Variants in DISC1 observed in about 807,000 individuals in gnomAD.
DISC1 encodes DISC1 scaffold protein, also known as disrupted in schizophrenia 1 protein.
A neutral mutation model predicts 84.5 loss-of-function variants in DISC1; 57 were observed. The ratio of observed to expected loss-of-function variants is 0.67; its 90% CI spans 0.55 to 0.84. The LOEUF is 0.84. DISC1 is among the 40% of genes least tolerant of loss of function. The pLI is 0.00. For missense variants in DISC1, 1,000 were observed against 1,057.8 expected (o/e 0.95, Z 0.76); for synonymous variants, 411 against 415.2 (o/e 0.99, Z 0.12).
intron 6 of DISC1, among the ~76,000 whole-genome samples, chr1:231,793,213 G>A (rs545583966): frequency 6.6e-6 from 1 of 152,270 alleles, no homozygotes; most frequent in African/African-American, 2.4e-5. Context: ...TCTGGTATGA[G>A]ATTTCCTGAC....
In DISC1 at chr1:231,749,605, A is replaced by G. The variant is rs201514065; in HGVS notation, c.1118-321A>G. 1.1e-3 allele frequency among the ~76,000 whole-genome samples: 169 copies of G among 152,310 alleles called. 2 individuals are homozygous for G. The South Asian group carries it at 0.034, about 31-fold the overall frequency. ...CACCAAAATTATAGTTTTTTTCCCC[A>G]AAATGCTCATTGTGCTTTTAAAATA... On this transcript the variant is annotated intron_variant, in intron 3 of 12. Coordinates refer to ENST00000439617, the MANE Select transcript of DISC1 (RefSeq NM_018662.3).
At chr1:231,795,430 C>G (rs186648802) in intron 7 of DISC1, 134 bp downstream of exon 7, 1 of 748,194 alleles carries the variant, frequency 1.3e-6, no homozygotes, top group Non-Finnish European at 2.3e-6. Context: ...TTTGCAGGCC[C>G]AATGATGAGT....
intron 1 of DISC1, among the ~76,000 whole-genome samples, chr1:231,671,143 GT>G (rs2062582041): frequency 6.6e-6 from 1 of 152,028 alleles, no homozygotes; most frequent in Admixed American, 6.6e-5. Context: ...GGACATCTTG[GT>G]GTTGGTCATA....
intron 8 of DISC1, among the ~76,000 whole-genome samples, chr1:231,803,994 A>T (rs902576690): frequency 1.4e-5 from 2 of 145,098 alleles, no homozygotes; most frequent in African/African-American, 5.0e-5. Flanking sequence ...TCTTGTTAGG[A>T]CTTAGCCTTC....
intron 10 of DISC1, among the ~76,000 whole-genome samples, chr1:231,988,582 A>G (rs1434627685): frequency 6.6e-6 from 1 of 152,218 alleles, no homozygotes; most frequent in African/African-American, 2.4e-5. Flanking sequence ...GTGTTAGGAT[A>G]CAGCAAGAAG....
At chr1:231,888,738 CAAAAAAAAAAA>C (rs34003319) in intron 9 of DISC1, among the ~76,000 whole-genome samples, 1 of 54,042 alleles carries the variant, frequency 1.9e-5, no homozygotes. Context: ...GCTCTGTCTC[CAAAAAAAAAAA>C]AAAAAAAAAA....
intron 6 of DISC1, among the ~76,000 whole-genome samples, chr1:231,772,041 T>C (rs1238768292): frequency 1.3e-5 from 2 of 152,092 alleles, no homozygotes; most frequent in East Asian, 3.9e-4. Flanking sequence ...CTTGAACTCC[T>C]GGGCTCAAGC....
chr1:231,767,003 T>G (rs190503178), intron 4 of DISC1, 137 bp from the exon 5 acceptor site: 2 of 1,181,942 alleles, frequency 1.7e-6, no homozygotes, highest in Admixed American at 4.7e-5. Context: ...GAGCTCATCC[T>G]AAAAACAGGT....
At chr1:231,914,514 C>T (rs1047539542) in intron 9 of DISC1, among the ~76,000 whole-genome samples, 34 of 152,158 alleles carry the variant, frequency 2.2e-4, no homozygotes, top group African/African-American at 6.8e-4. Flanking sequence ...AGGAAAATAG[C>T]CATTGAGGTA....
chr1:231,986,624 G>A (rs1664484648), intron 10 of DISC1, among the ~76,000 whole-genome samples: 1 of 152,194 alleles, frequency 6.6e-6, no homozygotes, highest in South Asian at 2.1e-4. Context: ...GCTACAAAAT[G>A]TCTTTCTGCT....
intron 9 of DISC1, among the ~76,000 whole-genome samples, chr1:231,885,803 T>A (rs939628768): frequency 6.6e-6 from 1 of 152,194 alleles, no homozygotes; most frequent in African/African-American, 2.4e-5. Flanking sequence ...GAGAAAGAAC[T>A]GTGTGGAGCT....
intron 1 of DISC1, among the ~76,000 whole-genome samples, chr1:231,657,745 C>T (rs574109047): frequency 4.1e-4 from 63 of 152,286 alleles, no homozygotes; most frequent in African/African-American, 1.4e-3. Context: ...GGAGTCCTTT[C>T]CCCATTGCTT....
In DISC1 at chr1:231,865,572, C is replaced by T. The variant is rs775070953; in HGVS notation, c.1981+47055C>T. On this transcript the variant is annotated intron_variant, in intron 9 of 12. Coordinates refer to ENST00000439617, the MANE Select transcript of DISC1 (RefSeq NM_018662.3). ...TGTAGACTGACGTCTATTTCCTTGG[C>T]AATATTGGCCACACCCATTAAATAA... Among the ~76,000 whole-genome samples, 16 of 152,330 alleles carry T rather than the reference C, an allele frequency of 1.1e-4. 1 individual carries two copies. The highest frequency in any genetic ancestry group is 1.4e-4 in the African/African-American group (6 of 41,578).
chr1:231,867,807 T>C (rs957850052), intron 9 of DISC1, among the ~76,000 whole-genome samples: 3 of 152,228 alleles, frequency 2.0e-5, no homozygotes, highest in South Asian at 2.1e-4. Flanking sequence ...AGGAAACAGT[T>C]GGAGCACTAT....
At chr1:231,997,538 A>C (rs1302763581) in intron 10 of DISC1, among the ~76,000 whole-genome samples, 2 of 152,136 alleles carry the variant, frequency 1.3e-5, no homozygotes, top group Non-Finnish European at 2.9e-5. Context: ...GAGGAAGGCC[A>C]ATCCTACCTA....
At chr1:231,886,367 A>G (rs16855500) in intron 9 of DISC1, among the ~76,000 whole-genome samples, 2 of 152,202 alleles carry the variant, frequency 1.3e-5, no homozygotes, top group South Asian at 4.1e-4. Flanking sequence ...GTTTCTGTGG[A>G]TATAAATTCC....
At chr1:231,628,415 C>T (rs374561970) in intron 1 of DISC1, among the ~76,000 whole-genome samples, 1 of 152,200 alleles carries the variant, frequency 6.6e-6, no homozygotes, top group East Asian at 1.9e-4. Flanking sequence ...TCACTATGCA[C>T]ATATAAGACA....
At chr1:231,958,769 GT>G in intron 9 of DISC1, 58 bp from the exon 10 acceptor site, 1 of 1,530,852 alleles carries the variant, frequency 6.5e-7, no homozygotes, top group Non-Finnish European at 9.0e-7. Flanking sequence ...TAGTTGAATG[GT>G]TTTTATTCAA....
chr1:231,771,863 G>T (rs1234603278), intron 6 of DISC1, among the ~76,000 whole-genome samples: 1 of 152,088 alleles, frequency 6.6e-6, no homozygotes, highest in Non-Finnish European at 1.5e-5. Flanking sequence ...GAGCACAGTG[G>T]CACAATCATG....
Sources: allele counts gnomAD v4.1 joint callset (sites outside exome capture counted in the v4.1 genomes callset), GRCh38; gene constraint gnomAD v4.1.1; transcripts MANE v1.5; gene names NCBI Gene and HGNC (gene_info 2026-07-23, HGNC 2026-07-21).